The following DNMT3A variants were observed in gnomAD, a reference collection of about 807,000 sequenced individuals.
DNMT3A encodes the protein DNA (cytosine-5)-methyltransferase 3A.
Under a neutral mutation model 117.6 loss-of-function variants are expected in DNMT3A, and 267 were observed. The ratio of observed to expected loss-of-function variants is 2.27; its 90% confidence interval spans 2.05 to 2.51. The LOEUF (loss-of-function observed/expected upper bound fraction) is 2.51, where lower values mean the gene tolerates loss of function less well. Ranked by LOEUF, DNMT3A falls within the 30% of genes most tolerant of loss-of-function variation. The pLI is 0.00. For synonymous variants in DNMT3A, 432 were observed against 474.8 expected, an observed-to-expected ratio of 0.91 and a Z score of 1.17; for missense variants, 1,029 against 1,260.2, an observed-to-expected ratio of 0.82 and a Z score of 2.78.
intron 4 of DNMT3A, among the ~76,000 whole-genome samples, chr2:25,277,046 G>C (rs2031476548): frequency 6.6e-6 from 1 of 152,088 alleles, no homozygotes; most frequent in African/African-American, 2.4e-5. Context: ...AGGCCCGGGA[G>C]CACCAGGGGG....
Position 25,296,294 on chromosome 2 carries a change from G to C in DNMT3A, c.177+3845C>G, listed in dbSNP as rs2033084268. 6.6e-6 allele frequency among the ~76,000 whole-genome samples: 1 copy of C among 152,196 alleles called. No homozygotes were observed. Among genetic ancestry groups the C allele is most frequent in the African/African-American group, 2.4e-5 (1 of 41,446 alleles). On this transcript the variant is annotated intron_variant, in intron 3 of 22. Coordinates refer to ENST00000321117, the MANE Select transcript of DNMT3A (RefSeq NM_022552.5). The surrounding 1 kb of genome is among the most constrained non-coding windows in gnomAD (Gnocchi z 4.2). ...TCATTTTCAGGCTAGGTTCTACCGGGCTGTGGTGCTGGGGCAGGCGGAGAG... is the reference window on the plus strand; with the variant it reads ...TCATTTTCAGGCTAGGTTCTACCGGCCTGTGGTGCTGGGGCAGGCGGAGAG...
At chr2:25,303,678 C>T (rs1377382260) in intron 2 of DNMT3A, among the ~76,000 whole-genome samples, 3 of 152,374 alleles carry the variant, frequency 2.0e-5, no homozygotes, top group Admixed American at 1.3e-4. Context: ...CTGGCCCTTC[C>T]CCTTGACATT....
In DNMT3A at chr2:25,247,087, C is replaced by A; in HGVS notation, c.1086G>T (p.Gln362His). 6.2e-7 allele frequency: 1 copy of A among 1,614,166 alleles called. No homozygotes were observed. The highest frequency in any genetic ancestry group is 8.5e-7 in the Non-Finnish European group (1 of 1,180,020). ...SAFHQATYNK[Q>H]PMYRKAIYEV... ...CGTAGATGGCTTTGCGGTACATGGG[C>A]TGCTTGTTGTACGTGGCCTGGTGGA... is the stretch of plus-strand genomic sequence containing the variant. Residue 362 changes from glutamine (Q) to histidine (H), a missense_variant, in exon 9 of 23, where the codon CAG becomes CAT. Coordinates refer to ENST00000321117, the MANE Select transcript of DNMT3A (RefSeq NM_022552.5). This position sits in a 1 kb window ranked among gnomAD's most constrained non-coding sequence, Gnocchi z 5.6.
chr2:25,295,885 G>A (rs1014260562), intron 3 of DNMT3A, among the ~76,000 whole-genome samples: 29 of 152,238 alleles, frequency 1.9e-4, no homozygotes, highest in African/African-American at 6.8e-4. Flanking sequence ...TCCTCAGTGA[G>A]GCAGGCAAAC....
intron 2 of DNMT3A, among the ~76,000 whole-genome samples, chr2:25,302,005 C>T (rs1158087512): frequency 6.6e-6 from 1 of 152,166 alleles, no homozygotes; most frequent in Non-Finnish European, 1.5e-5. Context: ...GACATAAGAC[C>T]AGCGGGAAGA....
chr2:25,298,077 G>A lies in DNMT3A; in HGVS notation c.177+2062C>T, dbSNP rs900795221. On this transcript the variant is annotated intron_variant, in intron 3 of 22. Coordinates refer to ENST00000321117, the MANE Select transcript of DNMT3A (RefSeq NM_022552.5). The surrounding 1 kb of genome is among the most constrained non-coding windows in gnomAD (Gnocchi z 4.3). ...GGCTCCTTGGTGCTTGCACCATTTCGTTCTCACAGGGGCAAGGAGAAATGC... is the reference window on the plus strand; with the variant it reads ...GGCTCCTTGGTGCTTGCACCATTTCATTCTCACAGGGGCAAGGAGAAATGC... Among the ~76,000 whole-genome samples, 1 of 152,212 alleles carries A rather than the reference G, an allele frequency of 6.6e-6. No individual in the cohort carries two copies. Among genetic ancestry groups the A allele is most frequent in the Non-Finnish European group, 1.5e-5 (1 of 68,038 alleles).
Position 25,311,835 on chromosome 2 carries a change from G to A in DNMT3A, c.72+2078C>T, listed in dbSNP as rs1433953354. On this transcript the variant is annotated intron_variant, in intron 2 of 22. Transcript: ENST00000321117. This position sits in a 1 kb window ranked among gnomAD's most constrained non-coding sequence, Gnocchi z 5.2. Reference sequence around the variant, plus strand: ...TGGCCTGAAGTCACATCTCCAGTAAGTGGCATACTCAGGACTAGGACCTGG... The same window carrying A: ...TGGCCTGAAGTCACATCTCCAGTAAATGGCATACTCAGGACTAGGACCTGG... Among the ~76,000 whole-genome samples the A allele has an allele frequency of 1.3e-5, 2 of 152,160 alleles. No homozygotes were observed. The highest frequency in any genetic ancestry group is 2.4e-5 in the African/African-American group (1 of 41,426).
intron 6 of DNMT3A, among the ~76,000 whole-genome samples, chr2:25,265,190 G>A (rs921589752): frequency 1.3e-5 from 2 of 152,216 alleles, no homozygotes; most frequent in African/African-American, 2.4e-5. Flanking sequence ...AGGGGTGGTC[G>A]GGGAGGCTGA....
rs1573467565 is a variant in DNMT3A, at chr2:25,306,478, T to A, written c.73-6235A>T. The stretch of plus-strand genomic sequence containing the variant: ...CCACTCTCCTGGAGGGGAGGGGCCG[T>A]GTCTCATTGGCGCCTCTGAGTCCCC... On this transcript the variant is annotated intron_variant, in intron 2 of 22. Transcript: ENST00000321117. The surrounding 1 kb of genome is among the most constrained non-coding windows in gnomAD (Gnocchi z 4.1). Among the ~76,000 whole-genome samples, 1 of 152,206 alleles carries A rather than the reference T, an allele frequency of 6.6e-6. No homozygotes were observed. Among genetic ancestry groups the A allele is most frequent in the Admixed American group, 6.5e-5 (1 of 15,276 alleles).
chr2:25,329,645 T>C (rs2034931905), intron 1 of DNMT3A, among the ~76,000 whole-genome samples: 1 of 150,046 alleles, frequency 6.7e-6, no homozygotes, highest in African/African-American at 2.5e-5. Context: ...CACTGTGGCC[T>C]CAGGAGTCTC....
At chr2:25,341,139 C>A (rs1443873563) in intron 1 of DNMT3A, among the ~76,000 whole-genome samples, 1 of 145,510 alleles carries the variant, frequency 6.9e-6, no homozygotes, top group Non-Finnish European at 1.5e-5. Context: ...GGCCCGGCCC[C>A]GCCATCACCC....
At chr2:25,279,383 G>A (rs2031712898) in intron 4 of DNMT3A, among the ~76,000 whole-genome samples, 3 of 152,312 alleles carry the variant, frequency 2.0e-5, no homozygotes, top group South Asian at 2.1e-4. Flanking sequence ...GACCACGGCC[G>A]AGCCACATCC....
At position 25,254,659 on chromosome 2, in the gene DNMT3A, CT is replaced by C. The variant is rs1675960884; in HGVS notation, c.640-6408del. The stretch of plus-strand genomic sequence containing the variant: ...TGCAGCATGACTTGCTTCGCTGCTT[CT>C]CTCACTGATACCTCTTCTGCATCCA... On this transcript the variant is annotated intron_variant, in intron 6 of 22. Transcript: ENST00000321117. The surrounding 1 kb of genome is among the most constrained non-coding windows in gnomAD (Gnocchi z 4.7). 1.3e-5 allele frequency among the ~76,000 whole-genome samples: 2 copies of C among 152,210 alleles called. No homozygotes were observed. The highest frequency in any genetic ancestry group is 1.5e-5 in the Non-Finnish European group (1 of 68,050).
At chr2:25,243,802 G>T (rs1674362076) in intron 16 of DNMT3A, 96 bp downstream of exon 16, 2 of 1,296,754 alleles carry the variant, frequency 1.5e-6, no homozygotes, top group African/African-American at 1.5e-5. Flanking sequence ...CAGCTGTGAA[G>T]CTAACCATCA....
At chr2:25,239,659 GT>G in intron 19 of DNMT3A, 2 of 448,434 alleles carry the variant, frequency 4.5e-6, no homozygotes, top group Non-Finnish European at 9.3e-6. Context: ...GTATGGGTGT[GT>G]TTACCATGAG....
Position 25,237,527 on chromosome 2 carries a change from GA to G in DNMT3A, c.2409-523del, listed in dbSNP as rs1309262350. On this transcript the variant is annotated intron_variant, in intron 20 of 22. Transcript: ENST00000321117. This position sits in a 1 kb window ranked among gnomAD's most constrained non-coding sequence, Gnocchi z 5.4. ...TCATGCCTGCAATCCCAGCCCTTTG[GA>G]AGGCTGAGGCAGGCGGGTCACCTGA... 3.3e-5 allele frequency among the ~76,000 whole-genome samples: 5 copies of G among 152,208 alleles called. No individual in the cohort carries two copies. Among genetic ancestry groups the G allele is most frequent in the Non-Finnish European group, 7.3e-5 (5 of 68,036 alleles).
In DNMT3A at chr2:25,244,626, CTGG is replaced by C; in HGVS notation, c.1578_1580del (p.Tyr526_Gln527delinsTer). The C allele has an allele frequency of 6.2e-7, 1 of 1,614,176 alleles. No individual in the cohort carries two copies. Among genetic ancestry groups the C allele is most frequent in the Non-Finnish European group, 8.5e-7 (1 of 1,180,028 alleles). On this transcript the variant is annotated stop_gained and inframe_deletion, in exon 14 of 23. Transcript: ENST00000321117. LOFTEE classifies it high-confidence loss of function. ...AGGACTGGTAGCCGTCGTCGTCGTA[CTGG>C]TACGCACACTCCAGAAAGCAGTTCT...
At chr2:25,271,570 A>C (rs2030909095) in intron 6 of DNMT3A, among the ~76,000 whole-genome samples, 1 of 152,208 alleles carries the variant, frequency 6.6e-6, no homozygotes, top group East Asian at 1.9e-4. Context: ...ATTCCATTCT[A>C]GTCCTGTTCC....
chr2:25,284,545 G>T (rs2032138946), intron 3 of DNMT3A, among the ~76,000 whole-genome samples: 1 of 150,192 alleles, frequency 6.7e-6, no homozygotes, highest in Non-Finnish European at 1.5e-5. Context: ...TATTTGGGAG[G>T]CTGAGGCAGG....
Sources: gnomAD v4.1 joint callset for allele counts (sites outside exome capture counted in the v4.1 genomes callset) on GRCh38, gnomAD v4.1.1 for gene constraint, Gnocchi (gnomAD v3.1) non-coding constraint, MANE v1.5 for transcripts, NCBI Gene and HGNC (gene_info 2026-07-23, HGNC 2026-07-21) for gene names.